DNAH3: variants seen among roughly 807,000 people sequenced by gnomAD.
DNAH3 encodes the protein dynein axonemal heavy chain 3, also known as axonemal beta dynein heavy chain 3.
Under a neutral mutation model 432.5 loss-of-function variants are expected in DNAH3, and 332 were observed. That is an observed-to-expected ratio of 0.77 (90% confidence interval 0.70 to 0.84). The LOEUF (loss-of-function observed/expected upper bound fraction) is 0.84. Among genes scored for constraint, DNAH3 ranks in the 40% least tolerant of loss-of-function variants. DNAH3 has a pLI of 0.00. For missense variants in DNAH3, 4,861 were observed against 5,114.0 expected (o/e 0.95, Z 1.51); for synonymous variants, 1,956 against 1,900.2 (o/e 1.03, Z -0.76).
chr16:20,982,778 T>C lies in DNAH3; in HGVS notation c.7802A>G (p.Glu2601Gly), dbSNP rs1329491398. 1.9e-6 allele frequency: 3 copies of C among 1,614,046 alleles called. No homozygotes were observed. In the African/African-American group the frequency reaches 4.0e-5, roughly 22 times the overall value. Residue 2601 changes from glutamate to glycine, a missense_variant, in exon 49 of 62, where the codon GAG (glutamate) becomes GGG (glycine). Coordinates refer to ENST00000261383, the Ensembl canonical transcript of DNAH3. ...CTCTAGAAATTTGTTAGCCACCAACTCTAGGGCATCTGTGGGCCAGGACTG... is the reference window on the plus strand; with the variant it reads ...CTCTAGAAATTTGTTAGCCACCAACCCTAGGGCATCTGTGGGCCAGGACTG...
intron 19 of DNAH3, among the ~76,000 whole-genome samples, chr16:21,082,558 AG>A (rs1356115766): frequency 6.6e-6 from 1 of 152,136 alleles, no homozygotes; most frequent in Non-Finnish European, 1.5e-5. Flanking sequence ...GGCTGGGTGC[AG>A]TGGCTTACTC....
At chr16:21,029,453 A>T (rs1278962950) in intron 37 of DNAH3, among the ~76,000 whole-genome samples, 1 of 152,206 alleles carries the variant, frequency 6.6e-6, no homozygotes, top group Non-Finnish European at 1.5e-5. Flanking sequence ...CCATCAGAAG[A>T]GGTGTATAAA....
chr16:20,944,448 G>A, intron 58 of DNAH3, 48 bp downstream of exon 58: 1 of 1,606,690 alleles, frequency 6.2e-7, no homozygotes, highest in Non-Finnish European at 8.5e-7. Flanking sequence ...ACTGGATGAA[G>A]AACTGCCTGG....
intron 3 of DNAH3, among the ~76,000 whole-genome samples, chr16:21,142,020 T>A (rs2092725426): frequency 6.6e-6 from 1 of 151,702 alleles, no homozygotes; most frequent in East Asian, 1.9e-4. Flanking sequence ...GCCACTGCAC[T>A]CCATACTGGG....
intron 18 of DNAH3, among the ~76,000 whole-genome samples, chr16:21,093,691 A>T (rs559253129): frequency 2.0e-5 from 3 of 152,334 alleles, no homozygotes; most frequent in Non-Finnish European, 4.4e-5. Context: ...ATAAAAATAC[A>T]GTTGTCAAGT....
intron 20 of DNAH3, among the ~76,000 whole-genome samples, chr16:21,077,442 C>T (rs951593541): frequency 6.6e-5 from 10 of 152,184 alleles, no homozygotes; most frequent in African/African-American, 1.4e-4. Context: ...GAATTACAGG[C>T]GTGAGCCACC....
chr16:20,949,076 C>A (rs1048985137), intron 56 of DNAH3, among the ~76,000 whole-genome samples: 1 of 152,034 alleles, frequency 6.6e-6, no homozygotes, highest in African/African-American at 2.4e-5. Context: ...CCCACATTTA[C>A]CATCTTCCAT....
intron 60 of DNAH3, among the ~76,000 whole-genome samples, chr16:20,936,156 C>A (rs1171707247): frequency 7.2e-6 from 1 of 139,552 alleles, no homozygotes; most frequent in Non-Finnish European, 1.6e-5. Flanking sequence ...CAGTTTGTGA[C>A]ATTTTTTTTC....
intron 18 of DNAH3, among the ~76,000 whole-genome samples, chr16:21,094,929 C>G (rs1407356089): frequency 6.6e-6 from 1 of 152,160 alleles, no homozygotes; most frequent in Non-Finnish European, 1.5e-5. Flanking sequence ...GTAAGAAGTG[C>G]CTTTGCTCCT....
chr16:20,997,390 T>C lies in DNAH3; in HGVS notation c.6494A>G (p.Asp2165Gly), dbSNP rs770494134. 29 of 1,614,062 alleles carry C rather than the reference T, an allele frequency of 1.8e-5. No homozygotes were observed. The Admixed American group carries it at 2.7e-4, about 15-fold the overall frequency. Reference sequence around the variant, plus strand: ...TTTTTTGTCAAACCAGTAACCATGGTCAATCCACTGCCTCAGGAGCTCGAT... The same window carrying C: ...TTTTTTGTCAAACCAGTAACCATGGCCAATCCACTGCCTCAGGAGCTCGAT... Residue 2165 changes from aspartate (D) to glycine (G), a missense_variant, in exon 44 of 62, where the codon GAC becomes GGC. By Grantham distance (94) the Asp-to-Gly change is moderately conservative. Transcript: ENST00000261383.
chr16:21,042,951 T>C (rs527777189), intron 31 of DNAH3, among the ~76,000 whole-genome samples: 44 of 152,306 alleles, frequency 2.9e-4, no homozygotes, highest in Non-Finnish European at 6.3e-4. Flanking sequence ...GATAGTTTAC[T>C]GAGAATGATG....
chr16:21,145,249 A>G, exon 3 of DNAH3: 1 of 1,613,806 alleles, frequency 6.2e-7, no homozygotes, highest in Non-Finnish European at 8.5e-7. Context: ...GTAGACCTTC[A>G]GCAGATCTTT....
At chr16:21,053,721 G>A (rs1166403828) in intron 28 of DNAH3, among the ~76,000 whole-genome samples, 1 of 152,150 alleles carries the variant, frequency 6.6e-6, no homozygotes, top group Non-Finnish European at 1.5e-5. Flanking sequence ...GGGAGTGTGA[G>A]CAAGAGACTC....
exon 34 of DNAH3, chr16:21,037,885 A>G: frequency 6.2e-7 from 1 of 1,614,216 alleles, no homozygotes; most frequent in Non-Finnish European, 8.5e-7. Context: ...GGCAGTAAGC[A>G]CAGACTTGAC....
At chr16:21,088,199 A>T (rs1260394954) in intron 18 of DNAH3, among the ~76,000 whole-genome samples, 2 of 152,192 alleles carry the variant, frequency 1.3e-5, no homozygotes, top group East Asian at 3.8e-4. Context: ...TTAAAAATTT[A>T]AATTAAAAAA....
chr16:20,963,722 T>C (rs1269413736), exon 53 of DNAH3: 2 of 1,614,046 alleles, frequency 1.2e-6, no homozygotes, highest in Non-Finnish European at 1.7e-6. Context: ...TCCTCCGTAA[T>C]TTCCTTCTTC....
intron 56 of DNAH3, among the ~76,000 whole-genome samples, chr16:20,951,878 G>A (rs1239508009): frequency 6.6e-6 from 1 of 151,672 alleles, no homozygotes; most frequent in African/African-American, 2.4e-5. Flanking sequence ...GGAGTAGCTG[G>A]GACTACAGGC....
chr16:21,064,875 GT>G (rs1289558785), intron 24 of DNAH3, among the ~76,000 whole-genome samples: 1 of 149,946 alleles, frequency 6.7e-6, no homozygotes, highest in Non-Finnish European at 1.5e-5. Flanking sequence ...GTGTGTGTGT[GT>G]GTGTGTGTGT....
At chr16:21,067,596 G>A (rs2090600587) in intron 23 of DNAH3, among the ~76,000 whole-genome samples, 177 bp from the exon 24 acceptor site, 1 of 151,978 alleles carries the variant, frequency 6.6e-6, no homozygotes, top group African/African-American at 2.4e-5. Context: ...TTGTTCCTCT[G>A]ATCATGGTTG....
Sources: gnomAD v4.1 joint callset for allele counts (sites outside exome capture counted in the v4.1 genomes callset) on GRCh38, gnomAD v4.1.1 for gene constraint, MANE v1.5 for transcripts, NCBI Gene and HGNC (gene_info 2026-07-23, HGNC 2026-07-21) for gene names.